CTNNA2: variants seen among roughly 807,000 people sequenced by gnomAD.
CTNNA2 encodes the protein catenin alpha-2.
A neutral mutation model predicts 101.0 loss-of-function variants in CTNNA2; 42 were observed. The observed-to-expected ratio is 0.42, with a 90% CI of 0.32 to 0.54. CTNNA2 has a LOEUF of 0.54. Ranked by LOEUF, CTNNA2 falls within the 20% of genes least tolerant of loss-of-function variation. The pLI is 0.14. For missense variants in CTNNA2, 871 were observed against 1,223.1 expected (o/e 0.71, Z 4.29); for synonymous variants, 450 against 456.4 (o/e 0.99, Z 0.18).
intron 7 of CTNNA2, among the ~76,000 whole-genome samples, chr2:79,956,843 GTTTTTTTTTT>G (rs66471325): frequency 1.0e-5 from 1 of 98,936 alleles, no homozygotes; most frequent in African/African-American, 4.7e-5. Context: ...ATACGTGTGG[GTTTTTTTTTT>G]TTTTTTTTTT....
rs116354522 is a variant in CTNNA2, at chr2:79,521,309, G to C, written c.-6+8102G>C. 9.3e-3 allele frequency among the ~76,000 whole-genome samples: 1,417 copies of C among 151,996 alleles called. 25 individuals carry two copies. The South Asian group carries it at 0.095, about 10-fold the overall frequency. On this transcript the variant is annotated intron_variant, in intron 1 of 18. Transcript: ENST00000402739. The stretch of plus-strand genomic sequence containing the variant: ...TCTGCTTTCTACATTTCTCTTGTCT[G>C]TGCTCAGTCTGCATGTTGACTGCTT...
chr2:79,736,123 C>T (rs1199454788), intron 2 of CTNNA2, among the ~76,000 whole-genome samples: 1 of 152,140 alleles, frequency 6.6e-6, no homozygotes, highest in African/African-American at 2.4e-5. Flanking sequence ...TGAAATAAGT[C>T]TGTATTGTCA....
intron 7 of CTNNA2, among the ~76,000 whole-genome samples, chr2:79,981,028 C>T (rs769135711): frequency 1.3e-5 from 2 of 151,808 alleles, no homozygotes; most frequent in Admixed American, 6.6e-5. Flanking sequence ...GTGGTTGATG[C>T]GGCTCATTTA....
At chr2:80,057,448 G>A (rs552901686) in intron 7 of CTNNA2, among the ~76,000 whole-genome samples, 1 of 152,284 alleles carries the variant, frequency 6.6e-6, no homozygotes, top group African/African-American at 2.4e-5. Flanking sequence ...TTAATTAAAA[G>A]AGAAAGTCTC....
chr2:80,173,355 A>G (rs918124224), intron 7 of CTNNA2, among the ~76,000 whole-genome samples: 2 of 152,240 alleles, frequency 1.3e-5, no homozygotes, highest in African/African-American at 4.8e-5. Context: ...TATTGTAAGG[A>G]CTATCAGATT....
At chr2:79,553,285 AC>A (rs1161320133) in intron 1 of CTNNA2, among the ~76,000 whole-genome samples, 1 of 152,096 alleles carries the variant, frequency 6.6e-6, no homozygotes, top group Non-Finnish European at 1.5e-5. Flanking sequence ...TTTTGTCAAA[AC>A]CATTCAACAA....
chr2:79,872,177 T>C (rs1412234213), intron 5 of CTNNA2, among the ~76,000 whole-genome samples: 2 of 152,214 alleles, frequency 1.3e-5, no homozygotes, highest in African/African-American at 4.8e-5. Flanking sequence ...ATTCATGTTA[T>C]TAATTTTTGG....
chr2:79,287,968 C>A (rs550196341), intron 2 of CTNNA2, among the ~76,000 whole-genome samples: 1 of 152,346 alleles, frequency 6.6e-6, no homozygotes, highest in African/African-American at 2.4e-5. Context: ...TTTTTTAAGC[C>A]GGTCGGAAAA....
At chr2:79,941,265 T>A (rs1432225191) in intron 7 of CTNNA2, among the ~76,000 whole-genome samples, 1 of 152,212 alleles carries the variant, frequency 6.6e-6, no homozygotes, top group Non-Finnish European at 1.5e-5. Flanking sequence ...TTCAATGTGG[T>A]CTTATACTCA....
At chr2:79,434,018 G>T (rs1301843056) in intron 4 of CTNNA2, among the ~76,000 whole-genome samples, 1 of 152,134 alleles carries the variant, frequency 6.6e-6, no homozygotes, top group Non-Finnish European at 1.5e-5. Context: ...TTAAGGCCTG[G>T]CGCAGCAGCT....
intron 7 of CTNNA2, among the ~76,000 whole-genome samples, chr2:79,953,795 C>T (rs1435942068): frequency 6.6e-6 from 1 of 152,178 alleles, no homozygotes; most frequent in Non-Finnish European, 1.5e-5. Context: ...ATGAAACTGT[C>T]AGAACATGTT....
At chr2:79,310,058 A>G (rs1676332188) in intron 2 of CTNNA2, among the ~76,000 whole-genome samples, 1 of 152,046 alleles carries the variant, frequency 6.6e-6, no homozygotes, top group African/African-American at 2.4e-5. Context: ...TTATGTTGGT[A>G]TTTTACTTTT....
At chr2:79,590,505 A>C (rs1676776861) in intron 1 of CTNNA2, among the ~76,000 whole-genome samples, 1 of 152,200 alleles carries the variant, frequency 6.6e-6, no homozygotes, top group Non-Finnish European at 1.5e-5. Flanking sequence ...TGCTGAAGGA[A>C]TGACAGGGTT....
chr2:80,390,963 C>T (rs997324479), intron 7 of CTNNA2, among the ~76,000 whole-genome samples: 2 of 151,840 alleles, frequency 1.3e-5, no homozygotes, highest in African/African-American at 4.8e-5. Context: ...AATCCTGTCT[C>T]TACTAAAAAT....
chr2:79,777,923 A>G (rs1464658715), intron 3 of CTNNA2, among the ~76,000 whole-genome samples: 1 of 143,858 alleles, frequency 7.0e-6, no homozygotes, highest in Non-Finnish European at 1.5e-5. Flanking sequence ...TTGTCTTGCC[A>G]GAGACAAGAA....
intron 4 of CTNNA2, among the ~76,000 whole-genome samples, chr2:79,379,475 C>T (rs1255425721): frequency 1.3e-5 from 2 of 152,316 alleles, no homozygotes; most frequent in East Asian, 3.9e-4. Context: ...TATCATACTG[C>T]ATACCTTTCC....
chr2:80,215,994 T>G (rs1477860272), intron 7 of CTNNA2, among the ~76,000 whole-genome samples: 1 of 152,204 alleles, frequency 6.6e-6, no homozygotes, highest in East Asian at 1.9e-4. Flanking sequence ...GCTGCCATCT[T>G]GCAGTTCTAT....
intron 7 of CTNNA2, among the ~76,000 whole-genome samples, chr2:80,010,325 T>C (rs1030062177): frequency 2.6e-5 from 4 of 152,106 alleles, no homozygotes; most frequent in African/African-American, 9.7e-5. Context: ...GTGATTATTA[T>C]TATTATTATT....
At chr2:79,791,596 T>C (rs573139707) in intron 3 of CTNNA2, among the ~76,000 whole-genome samples, 4 of 152,292 alleles carry the variant, frequency 2.6e-5, no homozygotes, top group African/African-American at 9.6e-5. Context: ...CATATACTCC[T>C]TGAAAGAATC....
Sources: allele counts gnomAD v4.1 joint callset (sites outside exome capture counted in the v4.1 genomes callset), GRCh38; gene constraint gnomAD v4.1.1; transcripts MANE v1.5; gene names NCBI Gene and HGNC (gene_info 2026-07-23, HGNC 2026-07-21).